AGBL1: variants seen among roughly 807,000 people sequenced by gnomAD.
The protein encoded by AGBL1 is cytosolic carboxypeptidase 4.
A neutral mutation model predicts 118.9 loss-of-function variants in AGBL1; 130 were observed. The ratio of observed to expected loss-of-function variants is 1.09; its 90% CI spans 0.95 to 1.26. The LOEUF is 1.26. Ranked by LOEUF, AGBL1 falls within the 50% of genes most tolerant of loss-of-function variation. The pLI, the probability that AGBL1 is intolerant of heterozygous loss-of-function variation, is 0.00. For missense variants in AGBL1, 1,584 were observed against 1,298.1 expected (o/e 1.22, Z -3.38); for synonymous variants, 555 against 478.9 (o/e 1.16, Z -2.08).
Position 86,613,697 on chromosome 15 carries a change from G to A in AGBL1, c.2994+59160G>A, listed in dbSNP as rs538185859. On this transcript the variant is annotated intron_variant, in intron 21 of 22. Transcript: ENST00000614907. The surrounding 1 kb of genome is among the most constrained non-coding windows in gnomAD (Gnocchi z 4.2). ...TATTGAGGGATGAAAACAAATGTTG[G>A]TTAAAGCCCAAGCTCTGCTACTCCA... 6.6e-6 allele frequency among the ~76,000 whole-genome samples: 1 copy of A among 152,238 alleles called. No individual in the cohort carries two copies. Among genetic ancestry groups the A allele is most frequent in the South Asian group, 2.1e-4 (1 of 4,818 alleles).
chr15:86,974,402 C>CATATTTTAT (rs1290940150), intron 23 of AGBL1, among the ~76,000 whole-genome samples: 5 of 97,074 alleles, frequency 5.2e-5, no homozygotes, highest in African/African-American at 1.2e-4. Flanking sequence ...TAAATATAAA[C>CATATTTTAT]ATATTAAATA....
chr15:86,538,146 T>C (rs2083450404), intron 19 of AGBL1, among the ~76,000 whole-genome samples: 1 of 152,214 alleles, frequency 6.6e-6, no homozygotes, highest in South Asian at 2.1e-4. Flanking sequence ...TGTGAAATTT[T>C]TCTCCCCAAA....
intron 5 of AGBL1, among the ~76,000 whole-genome samples, chr15:86,184,013 CCA>C (rs2141804304): frequency 1.3e-5 from 2 of 152,266 alleles, no homozygotes; most frequent in South Asian, 4.2e-4. Flanking sequence ...TGTTACAGCT[CCA>C]GTTTGCCACA....
At chr15:86,664,671 T>TA (rs2085610919) in intron 21 of AGBL1, among the ~76,000 whole-genome samples, 1 of 152,138 alleles carries the variant, frequency 6.6e-6, no homozygotes, top group Admixed American at 6.6e-5. Context: ...ATCTAGGTGA[T>TA]ACCAGGTAGT....
intron 18 of AGBL1, among the ~76,000 whole-genome samples, chr15:86,407,229 G>T (rs2081542450): frequency 1.3e-5 from 2 of 152,046 alleles, no homozygotes; most frequent in South Asian, 4.1e-4. Context: ...TCATTTTGCA[G>T]ACCGAAAAAT....
rs548910464 is a variant in AGBL1 at position 86,283,430 on chromosome 15, A to T, written c.2220+3647A>T. On this transcript the variant is annotated intron_variant, in intron 16 of 22. Transcript: ENST00000614907. ...AGCAGAATTTTTACCAGACACATAT[A>T]CCCACTGTGAAAGATGTGAATACTG... 4.0e-5 allele frequency among the ~76,000 whole-genome samples: 6 copies of T among 151,266 alleles called. No individual in the cohort carries two copies. The South Asian group carries it at 1.3e-3, about 32-fold the overall frequency.
intron 1 of AGBL1, among the ~76,000 whole-genome samples, chr15:86,095,945 A>G (rs1270046726): frequency 1.3e-5 from 2 of 152,032 alleles, no homozygotes; most frequent in East Asian, 3.9e-4. Flanking sequence ...TAGTGAAGAG[A>G]TCAGTTTTTC....
At chr15:86,599,499 T>C (rs1020364839) in intron 21 of AGBL1, among the ~76,000 whole-genome samples, 3 of 152,164 alleles carry the variant, frequency 2.0e-5, no homozygotes, top group African/African-American at 4.8e-5. Flanking sequence ...AATTTACTTA[T>C]GTTATGCATT....
chr15:86,631,761 C>A (rs932802618), intron 21 of AGBL1, among the ~76,000 whole-genome samples: 1 of 152,160 alleles, frequency 6.6e-6, no homozygotes. Context: ...TCATAGCCAA[C>A]CCCAGGTCCT....
At chr15:87,008,335 T>A (rs565898072) in intron 24 of AGBL1, among the ~76,000 whole-genome samples, 1 of 152,200 alleles carries the variant, frequency 6.6e-6, no homozygotes, top group East Asian at 1.9e-4. Flanking sequence ...GACCTGATGG[T>A]TTTATAAGAA....
At chr15:86,720,119 CTTCACTT>C (rs1305651796) in intron 22 of AGBL1, among the ~76,000 whole-genome samples, 3 of 152,164 alleles carry the variant, frequency 2.0e-5, no homozygotes, top group African/African-American at 7.2e-5. Flanking sequence ...TATCTCTAAG[CTTCACTT>C]TTCTCCACAG....
At chr15:86,719,829 G>C (rs759524844) in intron 22 of AGBL1, among the ~76,000 whole-genome samples, 1 of 152,188 alleles carries the variant, frequency 6.6e-6, no homozygotes, top group African/African-American at 2.4e-5. Flanking sequence ...GGAAATACCC[G>C]TGCCTGTTTA....
At chr15:86,754,217 G>A (rs1007132570) in intron 22 of AGBL1, among the ~76,000 whole-genome samples, 19 of 152,126 alleles carry the variant, frequency 1.2e-4, no homozygotes, top group South Asian at 1.0e-3. Flanking sequence ...AAAGGGATTC[G>A]TGCTTACTCC....
At chr15:86,559,066 A>C (rs528961349) in intron 21 of AGBL1, among the ~76,000 whole-genome samples, 1 of 152,108 alleles carries the variant, frequency 6.6e-6, no homozygotes, top group Non-Finnish European at 1.5e-5. Context: ...TTGTCAACGC[A>C]TCACTACAAT....
At chr15:86,417,033 G>C (rs1414617604) in intron 18 of AGBL1, among the ~76,000 whole-genome samples, 2 of 152,144 alleles carry the variant, frequency 1.3e-5, no homozygotes, top group Admixed American at 1.3e-4. Flanking sequence ...TACAACCATG[G>C]AATCTTAGAG....
intron 21 of AGBL1, among the ~76,000 whole-genome samples, chr15:86,580,487 T>G (rs919886703): frequency 1.4e-5 from 2 of 141,790 alleles, no homozygotes; most frequent in African/African-American, 4.9e-5. Flanking sequence ...TGGTATTTTT[T>G]TCTAGACTTT....
intron 21 of AGBL1, among the ~76,000 whole-genome samples, chr15:86,583,555 T>C (rs575919708): frequency 6.6e-6 from 1 of 152,288 alleles, no homozygotes; most frequent in South Asian, 2.1e-4. Flanking sequence ...TGTATATATG[T>C]ACATTTCCTT....
intron 17 of AGBL1, among the ~76,000 whole-genome samples, chr15:86,360,535 G>A (rs556626467): frequency 6.6e-6 from 1 of 152,012 alleles, no homozygotes; most frequent in Admixed American, 6.5e-5. Flanking sequence ...TTTGGTATCA[G>A]AGTGATGCTA....
chr15:86,311,942 C>T (rs934076096), intron 17 of AGBL1, among the ~76,000 whole-genome samples: 4 of 152,208 alleles, frequency 2.6e-5, no homozygotes, highest in African/African-American at 9.6e-5. Context: ...TAATTCTCAG[C>T]ATAGCTGATC....
Sources: gnomAD v4.1 joint callset for allele counts (sites outside exome capture counted in the v4.1 genomes callset) on GRCh38, gnomAD v4.1.1 for gene constraint, Gnocchi (gnomAD v3.1) non-coding constraint, MANE v1.5 for transcripts, NCBI Gene and HGNC (gene_info 2026-07-23, HGNC 2026-07-21) for gene names.